The following ELF2 variants were observed in gnomAD, a reference collection of about 807,000 sequenced individuals.
The protein encoded by ELF2 is E74 like ETS transcription factor 2, also known as ETS-related transcription factor Elf-2.
In ELF2, 11 loss-of-function variants were observed where a neutral mutation model predicts 54.8. That is an observed-to-expected ratio of 0.20 (90% CI 0.13 to 0.33). The LOEUF (loss-of-function observed/expected upper bound fraction) is 0.33, where lower values mean the gene tolerates loss of function less well. Ranked by LOEUF, ELF2 falls within the 10% of genes least tolerant of loss-of-function variation. ELF2 has a pLI of 1.00. For missense variants in ELF2, 513 were observed against 703.0 expected, an observed-to-expected ratio of 0.73 and a Z score of 3.06; for synonymous variants, 203 against 245.1, an observed-to-expected ratio of 0.83 and a Z score of 1.61.
At position 139,059,204 on chromosome 4, in the gene ELF2, T is replaced by C. The variant is rs776083618; in HGVS notation, c.1561A>G (p.Thr521Ala). ...ACTGCACTGATAACTCGAGGAGGAG[T>C]CTGGCCAGATGCCTGCTGAGTAGGC... Reference protein sequence around the residue: ...SMPTQQASGQTPPRVISAVIK... With the variant: ...SMPTQQASGQAPPRVISAVIK... Residue 521 changes from threonine to alanine, a missense_variant, in exon 10 of 10, where the codon ACT (threonine) becomes GCT (alanine). By Grantham distance (58) the Thr-to-Ala change is moderately conservative. Transcript: ENST00000686138. 2 of 1,613,612 alleles carry C rather than the reference T, an allele frequency of 1.2e-6. No homozygotes were observed. The highest frequency in any genetic ancestry group is 8.5e-7 in the Non-Finnish European group (1 of 1,179,808).
At chr4:139,130,809 A>G (rs1450427390) in intron 3 of ELF2, among the ~76,000 whole-genome samples, 1 of 152,194 alleles carries the variant, frequency 6.6e-6, no homozygotes, top group Non-Finnish European at 1.5e-5. Flanking sequence ...TAAAGTCAAC[A>G]AATTTTAATA....
At chr4:139,121,643 C>T (rs1160149269) in intron 4 of ELF2, among the ~76,000 whole-genome samples, 1 of 152,144 alleles carries the variant, frequency 6.6e-6, no homozygotes, top group Non-Finnish European at 1.5e-5. Context: ...GCCCCTAGAA[C>T]TGATGGAGTC....
rs370986985 is a variant in ELF2, at chr4:139,098,758, G to A, written c.239-25191C>T. ...GCTGGGATTACAGGCATGAGCCACC[G>A]TGCCCGGCCGATATTTTTAAAACTT... On this transcript the variant is annotated intron_variant, in intron 4 of 9. Transcript: ENST00000686138. Among the ~76,000 whole-genome samples the A allele has an allele frequency of 6.1e-3, 930 of 152,196 alleles. 11 individuals are homozygous for A. The highest frequency in any genetic ancestry group is 0.021 in the African/African-American group (889 of 41,520).
At chr4:139,075,135 T>A (rs964411074) in intron 4 of ELF2, among the ~76,000 whole-genome samples, 4 of 152,238 alleles carry the variant, frequency 2.6e-5, no homozygotes, top group African/African-American at 9.7e-5. Context: ...ACGCTTTGTA[T>A]CTCTCCTCTT....
chr4:139,107,323 T>TC (rs1212386789), intron 4 of ELF2, among the ~76,000 whole-genome samples: 1 of 152,160 alleles, frequency 6.6e-6, no homozygotes, highest in Non-Finnish European at 1.5e-5. Flanking sequence ...AAATAGACAT[T>TC]CACAGACAAC....
chr4:139,161,191 T>C (rs975880030), intron 1 of ELF2, among the ~76,000 whole-genome samples: 1 of 152,210 alleles, frequency 6.6e-6, no homozygotes, highest in Non-Finnish European at 1.5e-5. Context: ...TGTTAAAATA[T>C]ATAGGAATCA....
intron 1 of ELF2, among the ~76,000 whole-genome samples, chr4:139,154,160 T>G (rs1312643461): frequency 6.6e-6 from 1 of 152,206 alleles, no homozygotes; most frequent in Non-Finnish European, 1.5e-5. Flanking sequence ...TAGTATGATT[T>G]AAGAGTTAAA....
At position 139,071,955 on chromosome 4, in the gene ELF2, A is replaced by T; in HGVS notation, c.437T>A (p.Val146Glu). 1 of 1,614,024 alleles carries T rather than the reference A, an allele frequency of 6.2e-7. No individual in the cohort carries two copies. The highest frequency in any genetic ancestry group is 8.5e-7 in the Non-Finnish European group (1 of 1,179,984). ...MRPDVITETV[V>E]EVSTEESEPM... ...TTCAGACTCTTCAGTTGACACCTCC[A>T]CTACAGTTTCTGTAATGACATCTGG... is the stretch of plus-strand genomic sequence containing the variant. Residue 146 changes from valine (V) to glutamate (E), a missense_variant, in exon 6 of 10, where the codon GTG becomes GAG. Coordinates refer to ENST00000686138, the MANE Select transcript of ELF2 (RefSeq NM_001331036.3).
In ELF2 at chr4:139,114,561, T is replaced by TCCAGTCACACA. The variant is rs70940492; in HGVS notation, c.238+10602_238+10603insTGTGTGACTGG. Among the ~76,000 whole-genome samples the TCCAGTCACACA allele has an allele frequency of 6.4e-5, 7 of 108,646 alleles. No homozygotes were observed. The South Asian group carries it at 9.7e-4, about 15-fold the overall frequency. The allele number at this position is 108,646 out of a possible 152,430, so 71.3% of individuals were successfully genotyped here. The stretch of plus-strand genomic sequence containing the variant: ...CTGGCAACAGAGCGAGACTTCAGTC[T>TCCAGTCACACA]CACACACACACACACACACACACAC... On this transcript the variant is annotated intron_variant, in intron 4 of 9. Coordinates refer to ENST00000686138, the MANE Select transcript of ELF2 (RefSeq NM_001331036.3).
At chr4:139,116,059 G>C (rs1735678926) in intron 4 of ELF2, among the ~76,000 whole-genome samples, 1 of 152,038 alleles carries the variant, frequency 6.6e-6, no homozygotes, top group African/African-American at 2.4e-5. Context: ...GGCCAGGCTG[G>C]TCTTGGACTC....
At chr4:139,125,108 T>C (rs1736786155) in intron 4 of ELF2, 56 bp downstream of exon 4, 4 of 1,567,942 alleles carry the variant, frequency 2.6e-6, no homozygotes, top group East Asian at 2.3e-5. Flanking sequence ...AATAGTATTG[T>C]TGAAGCTTAC....
upstream of ELF2, among the ~76,000 whole-genome samples, chr4:139,177,395 C>A (rs1743084298): frequency 6.6e-6 from 1 of 151,972 alleles, no homozygotes; most frequent in Non-Finnish European, 1.5e-5. Flanking sequence ...CACCGCCAGT[C>A]ACCGCAGCGC....
intron 4 of ELF2, among the ~76,000 whole-genome samples, chr4:139,118,592 G>C (rs1735991127): frequency 6.6e-6 from 1 of 152,088 alleles, no homozygotes; most frequent in Admixed American, 6.5e-5. Flanking sequence ...CTGATAAAGA[G>C]CTTCAGTAGA....
intron 4 of ELF2, chr4:139,100,768 T>C (rs1325611713): frequency 6.6e-6 from 1 of 152,236 alleles, no homozygotes; most frequent in Non-Finnish European, 1.5e-5. Flanking sequence ...GCAATTAGAA[T>C]CCACTGAAAG....
chr4:139,114,967 C>T (rs780238838), intron 4 of ELF2: 6 of 1,613,656 alleles, frequency 3.7e-6, no homozygotes, highest in Admixed American at 1.7e-5. Context: ...CTGCATGCCC[C>T]GGATCTTGTC....
At chr4:139,136,278 T>C (rs1738144191) in intron 3 of ELF2, among the ~76,000 whole-genome samples, 1 of 152,150 alleles carries the variant, frequency 6.6e-6, no homozygotes, top group Admixed American at 6.5e-5. Flanking sequence ...TGTACCTGTT[T>C]TGGATTTGAA....
intron 1 of ELF2, among the ~76,000 whole-genome samples, chr4:139,169,739 C>T (rs1742082666): frequency 6.6e-6 from 1 of 151,872 alleles, no homozygotes; most frequent in Non-Finnish European, 1.5e-5. Flanking sequence ...CGCCTATAGT[C>T]CCAGCTACTC....
intron 3 of ELF2, 89 bp downstream of exon 3, chr4:139,137,541 T>C (rs2148861565): frequency 7.9e-7 from 1 of 1,263,480 alleles, no homozygotes; most frequent in East Asian, 2.3e-5. Context: ...ACATTTTTAC[T>C]CTCAAATATG....
chr4:139,153,165 TGGCTCAC>T (rs1375986746), intron 1 of ELF2, among the ~76,000 whole-genome samples: 1 of 152,178 alleles, frequency 6.6e-6, no homozygotes, highest in Non-Finnish European at 1.5e-5. Context: ...CCAGGCACAG[TGGCTCAC>T]GCCTGTAATC....
Sources: gnomAD v4.1 joint callset for allele counts (sites outside exome capture counted in the v4.1 genomes callset) on GRCh38, gnomAD v4.1.1 for gene constraint, MANE v1.5 for transcripts, NCBI Gene and HGNC (gene_info 2026-07-23, HGNC 2026-07-21) for gene names.